DGKB: variants seen among roughly 807,000 people sequenced by gnomAD.
The protein encoded by DGKB is 90 kDa diacylglycerol kinase.
A neutral mutation model predicts 114.3 loss-of-function variants in DGKB; 67 were observed. The observed-to-expected ratio is 0.59, with a 90% confidence interval of 0.48 to 0.72. DGKB has a LOEUF of 0.72. Ranked by LOEUF, DGKB falls within the 30% of genes least tolerant of loss-of-function variation. The pLI is 0.00. For synonymous variants in DGKB, 398 were observed against 323.1 expected, an observed-to-expected ratio of 1.23 and a Z score of -2.49; for missense variants, 907 against 975.2, an observed-to-expected ratio of 0.93 and a Z score of 0.93.
intron 20 of DGKB, among the ~76,000 whole-genome samples, chr7:14,497,275 G>T (rs1785447195): frequency 6.6e-6 from 1 of 151,582 alleles, no homozygotes; most frequent in Non-Finnish European, 1.5e-5. Flanking sequence ...TAAAATCCTA[G>T]ACTTCACCAC....
At chr7:14,741,987 T>C (rs1369248251) in intron 4 of DGKB, among the ~76,000 whole-genome samples, 1 of 152,242 alleles carries the variant, frequency 6.6e-6, no homozygotes, top group African/African-American at 2.4e-5. Flanking sequence ...CCCAGTCAAC[T>C]GAATTGTCTT....
chr7:14,333,415 C>G (rs1486118375), intron 23 of DGKB, among the ~76,000 whole-genome samples: 2 of 147,218 alleles, frequency 1.4e-5, no homozygotes, highest in African/African-American at 5.0e-5. Context: ...GAGCCGAGAT[C>G]CCACCACTGC....
chr7:14,694,050 C>T (rs745933937), intron 9 of DGKB, 25 bp downstream of exon 9: 158 of 1,561,392 alleles, frequency 1.0e-4, no homozygotes, highest in Non-Finnish European at 1.3e-4. Context: ...ACCACCAGGC[C>T]ACCCTCCTCT....
chr7:14,442,814 G>C (rs1242560765), intron 21 of DGKB, among the ~76,000 whole-genome samples: 1 of 151,992 alleles, frequency 6.6e-6, no homozygotes, highest in African/African-American at 2.4e-5. Flanking sequence ...CCATGTGTCT[G>C]GGATTTCAGG....
chr7:14,264,738 T>C (rs1378896809), intron 23 of DGKB, among the ~76,000 whole-genome samples: 2 of 152,144 alleles, frequency 1.3e-5, no homozygotes, highest in East Asian at 1.9e-4. Context: ...GTGGCAGCTA[T>C]GTAGATGAGA....
chr7:14,869,466 T>C (rs1432554879), intron 1 of DGKB, among the ~76,000 whole-genome samples: 1 of 152,192 alleles, frequency 6.6e-6, no homozygotes, highest in African/African-American at 2.4e-5. Context: ...TAAGAAACAT[T>C]CTTTGTATTT....
chr7:14,333,218 G>T (rs899425665), intron 23 of DGKB, among the ~76,000 whole-genome samples: 1 of 152,076 alleles, frequency 6.6e-6, no homozygotes, highest in Non-Finnish European at 1.5e-5. Flanking sequence ...CAGCACTTTG[G>T]GAGGCCGAGG....
intron 1 of DGKB, among the ~76,000 whole-genome samples, chr7:14,862,672 A>G (rs2128182656): frequency 6.6e-6 from 1 of 152,218 alleles, no homozygotes; most frequent in South Asian, 2.1e-4. Context: ...TCCCTTATAT[A>G]CGGACTAAAT....
At chr7:14,441,246 A>G (rs1369641193) in intron 21 of DGKB, among the ~76,000 whole-genome samples, 1 of 151,974 alleles carries the variant, frequency 6.6e-6, no homozygotes, top group Non-Finnish European at 1.5e-5. Flanking sequence ...AACTCAACTG[A>G]TCTGCCCATC....
rs983201532 is a variant in DGKB, at chr7:14,431,410, A to G, written c.1835+46751T>C. 5.3e-5 allele frequency among the ~76,000 whole-genome samples: 8 copies of G among 152,178 alleles called. No homozygotes were observed. In the East Asian group the frequency reaches 1.5e-3, roughly 29 times the overall value. Reference sequence around the variant, plus strand: ...TTTTTTAAGTGAAAAGTTGAATATTAGCAATTTAATTGGATCAACCTAATA... The same window carrying G: ...TTTTTTAAGTGAAAAGTTGAATATTGGCAATTTAATTGGATCAACCTAATA... On this transcript the variant is annotated intron_variant, in intron 21 of 25. Coordinates refer to ENST00000402815, the MANE Select transcript of DGKB (RefSeq NM_001350709.2).
intron 1 of DGKB, among the ~76,000 whole-genome samples, chr7:14,892,361 C>T (rs1031845360): frequency 6.6e-5 from 10 of 150,992 alleles, no homozygotes; most frequent in African/African-American, 1.9e-4. Flanking sequence ...CCAATCCTAA[C>T]GATGACAAGA....
Position 14,842,237 on chromosome 7 carries a change from G to A in DGKB, c.-187-787C>T, listed in dbSNP as rs543555972. On this transcript the variant is annotated intron_variant, in intron 1 of 25. Transcript: ENST00000402815. ...CATTGCAAGGTTTATTTATACAGAT[G>A]TCATTACTTAAAGTCACCTTACTTC... 7.6e-4 allele frequency among the ~76,000 whole-genome samples: 115 copies of A among 152,298 alleles called. 2 individuals carry two copies. In the South Asian group the frequency reaches 0.022, roughly 30 times the overall value.
intron 2 of DGKB, among the ~76,000 whole-genome samples, chr7:14,788,275 C>T (rs1172167882): frequency 1.3e-5 from 2 of 152,236 alleles, no homozygotes; most frequent in African/African-American, 2.4e-5. Flanking sequence ...CAGAATCTTT[C>T]TAAGCCTGAG....
At chr7:14,482,498 A>C (rs1331198473) in intron 20 of DGKB, among the ~76,000 whole-genome samples, 2 of 152,088 alleles carry the variant, frequency 1.3e-5, no homozygotes. Flanking sequence ...AGTACATATG[A>C]ATATTAACTC....
At chr7:14,670,000 C>A (rs888366832) in intron 13 of DGKB, among the ~76,000 whole-genome samples, 1 of 152,056 alleles carries the variant, frequency 6.6e-6, no homozygotes, top group Non-Finnish European at 1.5e-5. Flanking sequence ...TCCCACCTTA[C>A]AAAATCCACT....
intron 21 of DGKB, among the ~76,000 whole-genome samples, chr7:14,472,836 C>T (rs571272352): frequency 1.1e-4 from 16 of 152,076 alleles, no homozygotes; most frequent in African/African-American, 3.9e-4. Flanking sequence ...TTGTCCCTGC[C>T]CTAGAGATTT....
intron 1 of DGKB, among the ~76,000 whole-genome samples, chr7:14,900,523 T>G (rs111695463): frequency 6.6e-6 from 1 of 152,216 alleles, no homozygotes; most frequent in East Asian, 1.9e-4. Flanking sequence ...AGAATTAGAT[T>G]TCGCGATCAG....
chr7:14,685,596 TA>T (rs143402536), intron 9 of DGKB, among the ~76,000 whole-genome samples: 268 of 152,260 alleles, frequency 1.8e-3, no homozygotes, highest in African/African-American at 5.8e-3. Flanking sequence ...TGTCTAATAT[TA>T]ACAGCTCAAC....
chr7:14,520,722 C>T (rs1313631606), intron 20 of DGKB, among the ~76,000 whole-genome samples: 1 of 151,834 alleles, frequency 6.6e-6, no homozygotes, highest in Admixed American at 6.6e-5. Context: ...TTCATTGAGA[C>T]TTGTTTTGTG....
Sources: gnomAD v4.1 joint callset for allele counts (sites outside exome capture counted in the v4.1 genomes callset) on GRCh38, gnomAD v4.1.1 for gene constraint, MANE v1.5 for transcripts, NCBI Gene and HGNC (gene_info 2026-07-23, HGNC 2026-07-21) for gene names.